The following ASAP2 variants were observed in gnomAD, a reference collection of about 807,000 sequenced individuals.
The protein encoded by ASAP2 is arf-GAP with SH3 domain, ANK repeat and PH domain-containing protein 2.
In ASAP2, 45 loss-of-function variants were observed where a neutral mutation model predicts 131.4. The ratio of observed to expected loss-of-function variants is 0.34; its 90% CI spans 0.27 to 0.44. The LOEUF (loss-of-function observed/expected upper bound fraction) is 0.44, where lower values mean the gene tolerates loss of function less well. Ranked by LOEUF, ASAP2 falls within the 20% of genes least tolerant of loss-of-function variation. ASAP2 has a pLI of 1.00. For synonymous variants in ASAP2, 510 were observed against 503.0 expected, an observed-to-expected ratio of 1.01 and a Z score of -0.19; for missense variants, 1,011 against 1,297.0, an observed-to-expected ratio of 0.78 and a Z score of 3.39.
intron 17 of ASAP2, among the ~76,000 whole-genome samples, chr2:9,376,512 GT>G (rs1674415809): frequency 6.6e-6 from 1 of 152,232 alleles, no homozygotes; most frequent in South Asian, 2.1e-4. Flanking sequence ...AGAAACATAT[GT>G]TTCTACTCAA....
chr2:9,358,799 C>T lies in ASAP2; in HGVS notation c.1371C>T (p.Ile457=), dbSNP rs1358159481. Residue 457 remains isoleucine, a synonymous_variant, in exon 15 of 28, where the codon ATC becomes ATT. Transcript: ENST00000281419. ...LSTNLGILTC[I]ECSGIHRELG... ...CCAACCTGGGCATCCTGACCTGCAT[C>T]GAGTGTTCCGGAATCCACCGAGAGC... is the stretch of plus-strand genomic sequence containing the variant. 7 of 1,610,852 alleles carry T rather than the reference C, an allele frequency of 4.3e-6. No homozygotes were observed. Among genetic ancestry groups the T allele is most frequent in the African/African-American group, 4.0e-5 (3 of 74,158 alleles).
intron 22 of ASAP2, 119 bp downstream of exon 22, chr2:9,388,665 T>C (rs1675488859): frequency 1.4e-6 from 2 of 1,401,896 alleles, no homozygotes; most frequent in East Asian, 5.1e-5. Context: ...TTTGTAGTTA[T>C]TTTCTGTTTG....
intron 1 of ASAP2, among the ~76,000 whole-genome samples, chr2:9,211,506 C>T (rs767589461): frequency 5.3e-5 from 8 of 151,980 alleles, no homozygotes; most frequent in Non-Finnish European, 1.0e-4. Flanking sequence ...CTTTATAGCA[C>T]CATCCATTCT....
chr2:9,311,783 C>T lies in ASAP2; in HGVS notation c.346-6741C>T, dbSNP rs1198172723. 1.3e-5 allele frequency among the ~76,000 whole-genome samples: 2 copies of T among 152,138 alleles called. No homozygotes were observed. Among genetic ancestry groups the T allele is most frequent in the South Asian group, 2.1e-4 (1 of 4,830 alleles). On this transcript the variant is annotated intron_variant, in intron 3 of 27. Transcript: ENST00000281419. This position sits in a 1 kb window ranked among gnomAD's most constrained non-coding sequence, Gnocchi z 5.2. Reference sequence around the variant, plus strand: ...CACTCAGGCTGCAGGGCACACCTGCCGAGAAGCGCGTCTGGCCCCCACGCA... The same window carrying T: ...CACTCAGGCTGCAGGGCACACCTGCTGAGAAGCGCGTCTGGCCCCCACGCA...
chr2:9,291,581 C>T (rs1030628144), intron 2 of ASAP2, among the ~76,000 whole-genome samples: 2 of 152,192 alleles, frequency 1.3e-5, no homozygotes, highest in Admixed American at 6.5e-5. Flanking sequence ...TCATGTCATC[C>T]GTCTAGGGAG....
rs376512954 is a variant in ASAP2 at position 9,251,697 on chromosome 2, C to T, written c.127-27620C>T. On this transcript the variant is annotated intron_variant, in intron 1 of 27. Coordinates refer to ENST00000281419, the MANE Select transcript of ASAP2 (RefSeq NM_003887.3). The stretch of plus-strand genomic sequence containing the variant: ...TCATGGGGTCTTTCCTGGGGACCTT[C>T]GGTTTTGTGATGAGGAAGTGGAGTG... 1.1e-3 allele frequency among the ~76,000 whole-genome samples: 165 copies of T among 151,940 alleles called. 2 individuals carry two copies. The Middle Eastern group carries it at 0.014, about 13-fold the overall frequency.
chr2:9,298,006 G>T (rs1264506079), intron 3 of ASAP2, among the ~76,000 whole-genome samples: 1 of 152,178 alleles, frequency 6.6e-6, no homozygotes, highest in Non-Finnish European at 1.5e-5. Context: ...TGCTGTGGGT[G>T]AATTGCGCCT....
rs753540024 is a variant in ASAP2 at position 9,350,901 on chromosome 2, G to A, written c.1111+6G>A. The A allele has an allele frequency of 1.1e-5, 18 of 1,602,790 alleles. No homozygotes were observed. The highest frequency in any genetic ancestry group is 1.5e-5 in the Non-Finnish European group (17 of 1,172,344). On this transcript the variant is annotated splice_donor_region_variant and intron_variant, in intron 12 of 27. Transcript: ENST00000281419. ...GTGCTTTGACCTCATTTCACGTAAG[G>A]CTCCCTCTGAGATGCCGCGCCATAG...
Position 9,405,191 on chromosome 2 carries a change from A to C in ASAP2, c.*1864A>C, listed in dbSNP as rs1254305430. The C allele has an allele frequency of 6.6e-6, 1 of 152,270 alleles. No individual in the cohort carries two copies. The highest frequency in any genetic ancestry group is 1.9e-4 in the East Asian group (1 of 5,206). The allele number at this position is 152,270 out of a possible 1,614,324, so 9.4% of individuals were successfully genotyped here. ...AGTCTACAATTTGGTGCTATTGTGC[A>C]GTAACTAATAGTACTCTTACCAGAG... On this transcript the variant is annotated 3_prime_UTR_variant, in exon 28 of 28. Transcript: ENST00000281419.
intron 8 of ASAP2, 103 bp downstream of exon 8, chr2:9,334,916 G>A (rs1671098773): frequency 7.7e-6 from 11 of 1,421,712 alleles, no homozygotes; most frequent in African/African-American, 1.4e-5. Context: ...ATGCCGTGCC[G>A]CCCACGTGGA....
At chr2:9,302,705 C>G (rs1668580007) in intron 3 of ASAP2, among the ~76,000 whole-genome samples, 1 of 152,088 alleles carries the variant, frequency 6.6e-6, no homozygotes, top group African/African-American at 2.4e-5. Flanking sequence ...GAACTCCTGA[C>G]CTCAAGTGAT....
intron 24 of ASAP2, among the ~76,000 whole-genome samples, chr2:9,395,192 G>T (rs1676016725): frequency 6.6e-6 from 1 of 152,172 alleles, no homozygotes; most frequent in Non-Finnish European, 1.5e-5. Context: ...AGAATTTGGG[G>T]CCAGGCGCCA....
intron 1 of ASAP2, among the ~76,000 whole-genome samples, chr2:9,214,400 C>G (rs781008975): frequency 6.6e-6 from 1 of 152,010 alleles, no homozygotes; most frequent in African/African-American, 2.4e-5. Flanking sequence ...CCACCATGCC[C>G]GGCTGATTTT....
intron 2 of ASAP2, among the ~76,000 whole-genome samples, chr2:9,289,910 G>A (rs1329907885): frequency 1.3e-5 from 2 of 152,178 alleles, no homozygotes; most frequent in African/African-American, 2.4e-5. Context: ...GACTTCCTAG[G>A]AAAGATGATG....
At chr2:9,323,272 G>T (rs116534449) in intron 6 of ASAP2, 22 bp downstream of exon 6, 9 of 1,613,822 alleles carry the variant, frequency 5.6e-6, no homozygotes, top group Non-Finnish European at 7.6e-6. Context: ...GTGAAGGCAG[G>T]TCCTACAGCC....
intron 19 of ASAP2, among the ~76,000 whole-genome samples, chr2:9,379,765 G>A (rs776124402): frequency 5.3e-5 from 8 of 152,302 alleles, no homozygotes; most frequent in East Asian, 1.9e-4. Context: ...TAGGCCGGGT[G>A]CAGTGGCTCA....
chr2:9,257,179 C>G (rs1016295051), intron 1 of ASAP2, among the ~76,000 whole-genome samples: 2 of 152,188 alleles, frequency 1.3e-5, no homozygotes, highest in Non-Finnish European at 2.9e-5. Flanking sequence ...GCTGGAGATT[C>G]AAAAATCAGA....
chr2:9,243,256 C>T (rs1203395688), intron 1 of ASAP2, among the ~76,000 whole-genome samples: 1 of 152,090 alleles, frequency 6.6e-6, no homozygotes, highest in Non-Finnish European at 1.5e-5. Context: ...CTACAGGCAC[C>T]CGCCACCACG....
chr2:9,317,221 ACACAAT>A (rs1251285528), intron 3 of ASAP2, among the ~76,000 whole-genome samples: 10 of 144,662 alleles, frequency 6.9e-5, no homozygotes, highest in Non-Finnish European at 1.2e-4. Context: ...ATCCACACTC[ACACAAT>A]CACACAACCA....
Sources: allele counts gnomAD v4.1 joint callset (sites outside exome capture counted in the v4.1 genomes callset), GRCh38; gene constraint gnomAD v4.1.1; non-coding constraint Gnocchi (gnomAD v3.1); transcripts MANE v1.5; gene names NCBI Gene and HGNC (gene_info 2026-07-23, HGNC 2026-07-21).